Variants in RNF213 observed in about 807,000 individuals in gnomAD.
RNF213 encodes the protein E3 ubiquitin-protein ligase RNF213.
In RNF213, 341 loss-of-function variants were observed where a neutral mutation model predicts 514.4. That is an observed-to-expected ratio of 0.66 (90% CI 0.61 to 0.73). RNF213 has a LOEUF of 0.73. RNF213 is among the 30% of genes least tolerant of loss of function. RNF213 has a pLI of 0.00. For synonymous variants in RNF213, 2,655 were observed against 2,658.2 expected, an observed-to-expected ratio of 1.00 and a Z score of 0.04; for missense variants, 5,767 against 6,615.6, an observed-to-expected ratio of 0.87 and a Z score of 4.45.
intron 3 of RNF213, among the ~76,000 whole-genome samples, chr17:80,284,943 T>A (rs2044420500): frequency 1.3e-5 from 2 of 152,192 alleles, no homozygotes; most frequent in South Asian, 4.1e-4. Flanking sequence ...ACATCAGTGG[T>A]TGACACCAGC....
chr17:80,320,796 A>G (rs1439210752), intron 17 of RNF213: 1 of 152,198 alleles, frequency 6.6e-6, no homozygotes, highest in Non-Finnish European at 1.5e-5. Context: ...GTAACAGAGT[A>G]AGACCCTGTC....
intron 67 of RNF213, 85 bp downstream of exon 67, chr17:80,390,281 C>T (rs777425765): frequency 2.8e-6 from 4 of 1,427,368 alleles, no homozygotes; most frequent in Non-Finnish European, 2.9e-6. Context: ...AAAAATAGTT[C>T]TTTTCTTACC....
At chr17:80,392,740 C>A (rs1286356136) in intron 67 of RNF213, among the ~76,000 whole-genome samples, 1 of 152,082 alleles carries the variant, frequency 6.6e-6, no homozygotes, top group Non-Finnish European at 1.5e-5. Context: ...CAGGCACCCA[C>A]CGCCATGCCT....
At position 80,336,498 on chromosome 17, in the gene RNF213, T is replaced by C. The variant is rs116516842; in HGVS notation, c.4527+120T>C. ...GTGGTAGGTTTGTACACAGCCGTTT[T>C]CAATGATATTTAAAAAGCTTTTCTT... is the stretch of plus-strand genomic sequence containing the variant. On this transcript the variant is annotated intron_variant, in intron 23 of 67. Coordinates refer to ENST00000582970, the MANE Select transcript of RNF213 (RefSeq NM_001256071.3). 590 of 850,430 alleles carry C rather than the reference T, an allele frequency of 6.9e-4. 3 individuals carry two copies. The African/African-American group carries it at 7.8e-3, about 11-fold the overall frequency. 52.7% of individuals were successfully genotyped at this position (850,430 alleles called of 1,614,324 possible). A position where few individuals can be genotyped will look rare whatever the true frequency, so the allele number is the denominator to read the frequency against.
At chr17:80,391,991 C>A (rs558683184) in intron 67 of RNF213, among the ~76,000 whole-genome samples, 1 of 152,158 alleles carries the variant, frequency 6.6e-6, no homozygotes, top group Non-Finnish European at 1.5e-5. Context: ...TGGTCTCGAT[C>A]TCCTGACCTC....
intron 11 of RNF213, among the ~76,000 whole-genome samples, chr17:80,302,316 G>C (rs965431138): frequency 4.6e-5 from 7 of 152,254 alleles, no homozygotes; most frequent in African/African-American, 1.7e-4. Context: ...GTTTGAGATA[G>C]ATATGCTAAT....
chr17:80,397,540 TGTTCTGTTCC>T lies in RNF213; in HGVS notation c.*4048_*4057del. The T allele has an allele frequency of 6.6e-6, 1 of 152,140 alleles. No homozygotes were observed. The highest frequency in any genetic ancestry group is 2.0e-4 in the East Asian group (1 of 5,128). 9.4% of individuals were successfully genotyped at this position (152,140 alleles called of 1,614,324 possible). On this transcript the variant is annotated 3_prime_UTR_variant, in exon 68 of 68. Coordinates refer to ENST00000582970, the MANE Select transcript of RNF213 (RefSeq NM_001256071.3). ...AAAAGCACCGTGAAAATCCCTGTCC[TGTTCTGTTCC>T]GTTCTAATTACGGGTGCATGCAGCC...
chr17:80,309,782 G>T (rs1251533647), intron 14 of RNF213, among the ~76,000 whole-genome samples: 2 of 151,542 alleles, frequency 1.3e-5, no homozygotes, highest in East Asian at 1.9e-4. Flanking sequence ...TTAAGACGGG[G>T]TCTCACTCTG....
chr17:80,345,197 G>T lies in RNF213; in HGVS notation c.6862G>T (p.Asp2288Tyr). The T allele has an allele frequency of 6.2e-7, 1 of 1,614,136 alleles. No individual in the cohort carries two copies. ...MVTMDGVREE[D>Y]LAPFSLRKRW... ...CACCATGGATGGGGTTAGGGAAGAA[G>T]ATCTAGCGCCCTTCTCCCTCCGGAA... Residue 2288 changes from aspartate (D) to tyrosine (Y), a missense_variant, in exon 29 of 68, where the codon GAT (aspartate) becomes TAT (tyrosine). Asp to Tyr is a radical substitution (Grantham distance 160). Transcript: ENST00000582970. This position sits in a 1 kb window ranked among gnomAD's most constrained non-coding sequence, Gnocchi z 6.0.
intron 44 of RNF213, among the ~76,000 whole-genome samples, chr17:80,368,384 A>G (rs2079365938): frequency 6.6e-6 from 1 of 151,906 alleles, no homozygotes; most frequent in Admixed American, 6.6e-5. Flanking sequence ...TAAGCCAGAA[A>G]GTCTTAACAA....
Position 80,344,822 on chromosome 17 carries a change from A to T in RNF213, c.6487A>T (p.Thr2163Ser). ...GGATCTGTGGGAGTTCTGCAGCGAA[A>T]CTTTCCAAAGACCTTACCAGTATTT... Reference protein sequence around the residue: ...GMDLWEFCSETFQRPYQYLRR... With the variant: ...GMDLWEFCSESFQRPYQYLRR... Residue 2163 changes from threonine (T) to serine (S), a missense_variant, in exon 29 of 68, where the codon ACT (threonine) becomes TCT (serine). Around this residue, in one of 13 missense-constraint regions of RNF213, gnomAD observed 1,377 missense variants for 1,635.2 expected, o/e 0.84. Transcript: ENST00000582970. 2 of 1,614,176 alleles carry T rather than the reference A, an allele frequency of 1.2e-6. No individual in the cohort carries two copies.
intron 26 of RNF213, chr17:80,341,390 C>A (rs140376240): frequency 6.6e-6 from 1 of 152,340 alleles, no homozygotes; most frequent in East Asian, 1.9e-4. Context: ...GAAATAGTAG[C>A]TTCTGTTCTG....
rs1429373302 is a variant in RNF213, at chr17:80,389,872, G to C, written c.15240G>C (p.Gln5080His). The C allele has an allele frequency of 6.2e-7, 1 of 1,614,202 alleles. No homozygotes were observed. Among genetic ancestry groups the C allele is most frequent in the East Asian group, 2.2e-5 (1 of 44,892 alleles). ...TAAAACACACCATTGCCCTCTGGCAGTTCCTGTCTGCTCATAAGTCTGAAC... is the reference window on the plus strand; with the variant it reads ...TAAAACACACCATTGCCCTCTGGCACTTCCTGTCTGCTCATAAGTCTGAAC... The part of the protein sequence containing the change: ...CQLKHTIALW[Q>H]FLSAHKSEQL... Residue 5080 changes from glutamine to histidine, a missense_variant, in exon 66 of 68, where the codon CAG (glutamine) becomes CAC (histidine). Gln to His is a conservative substitution (Grantham distance 24). Transcript: ENST00000582970.
Position 80,351,736 on chromosome 17 carries a change from C to G in RNF213, c.10236C>G (p.Ile3412Met). The change falls in exon 32 of 68, where the codon ATC becomes ATG. Residue 3412 changes from isoleucine (I) to methionine (M), a missense_variant. Coordinates refer to ENST00000582970, the MANE Select transcript of RNF213 (RefSeq NM_001256071.3). Reference sequence around the variant, plus strand: ...AAATACGAGAAAATGAGGACCGTATCTTCGTCTATTTCATCACAAAACTGT... The same window carrying G: ...AAATACGAGAAAATGAGGACCGTATGTTCGTCTATTTCATCACAAAACTGT... ...INKIRENEDR[I>M]FVYFITKLSR... 6.2e-7 allele frequency: 1 copy of G among 1,612,890 alleles called. No individual in the cohort carries two copies. Among genetic ancestry groups the G allele is most frequent in the Non-Finnish European group, 8.5e-7 (1 of 1,179,066 alleles).
intron 36 of RNF213, among the ~76,000 whole-genome samples, chr17:80,357,327 T>G (rs913922101): frequency 3.9e-5 from 6 of 152,142 alleles, no homozygotes; most frequent in African/African-American, 1.4e-4. Context: ...AGTTAACCAA[T>G]TATCTTTCTG....
chr17:80,388,593 T>A lies in RNF213; in HGVS notation c.14923-19T>A, dbSNP rs555308536. On this transcript the variant is annotated intron_variant, in intron 63 of 67. Coordinates refer to ENST00000582970, the MANE Select transcript of RNF213 (RefSeq NM_001256071.3). Reference sequence around the variant, plus strand: ...ACGATGGATTTAATTTTAAAAAACTTTTTTCTTTCCCAATTTAGGGAATAC... The same window carrying A: ...ACGATGGATTTAATTTTAAAAAACTATTTTCTTTCCCAATTTAGGGAATAC... 6.4e-7 allele frequency: 1 copy of A among 1,572,952 alleles called. No individual in the cohort carries two copies. Among genetic ancestry groups the A allele is most frequent in the South Asian group, 1.1e-5 (1 of 90,280 alleles).
intron 11 of RNF213, among the ~76,000 whole-genome samples, chr17:80,303,567 C>CTTTTTT (rs61546164): frequency 2.3e-5 from 3 of 130,926 alleles, no homozygotes; most frequent in African/African-American, 3.1e-5. Context: ...CTTTTCTTTT[C>CTTTTTT]TTTTTTTTTT....
chr17:80,273,956 G>T (rs549022683), intron 3 of RNF213, among the ~76,000 whole-genome samples: 3 of 152,060 alleles, frequency 2.0e-5, no homozygotes, highest in Non-Finnish European at 4.4e-5. Context: ...CCCAATACTC[G>T]TGTGTCTCCC....
In RNF213 at chr17:80,394,220, A is replaced by G. The variant is rs1342836238; in HGVS notation, c.*722A>G. The G allele has an allele frequency of 1.3e-5, 2 of 152,302 alleles. No homozygotes were observed. Among genetic ancestry groups the G allele is most frequent in the East Asian group, 3.8e-4 (2 of 5,200 alleles). The allele number at this position is 152,302 out of a possible 1,614,324, so 9.4% of individuals were successfully genotyped here. On this transcript the variant is annotated 3_prime_UTR_variant, in exon 68 of 68. Transcript: ENST00000582970. ...TAAAATGGAGAGTGGATTAATCGCC[A>G]AAGATTCTTCTGATCTGACATTTTG...
Sources: gnomAD v4.1 joint callset for allele counts (sites outside exome capture counted in the v4.1 genomes callset) on GRCh38, gnomAD v4.1.1 for gene constraint, gnomAD v4.1.1 regional missense constraint, Gnocchi (gnomAD v3.1) non-coding constraint, MANE v1.5 for transcripts, NCBI Gene and HGNC (gene_info 2026-07-23, HGNC 2026-07-21) for gene names.